The following NPRL3 variants were observed in gnomAD, a reference collection of about 807,000 sequenced individuals.
NPRL3 encodes the protein NPR3 like, GATOR1 complex subunit, also known as GATOR1 complex protein NPRL3.
In NPRL3, 23 loss-of-function variants were observed where a neutral mutation model predicts 57.2. The ratio of observed to expected loss-of-function variants is 0.40; its 90% CI spans 0.29 to 0.57. The LOEUF (loss-of-function observed/expected upper bound fraction) is 0.57. Ranked by LOEUF, NPRL3 falls within the 20% of genes least tolerant of loss-of-function variation. The probability of loss-of-function intolerance (pLI) is 0.42; values close to 1 mark genes in which losing one functional copy is unlikely to be tolerated. For synonymous variants in NPRL3, 333 were observed against 321.1 expected, an observed-to-expected ratio of 1.04 and a Z score of -0.39; for missense variants, 691 against 767.1, an observed-to-expected ratio of 0.90 and a Z score of 1.17.
chr16:93,533 A>G (rs568659428), intron 9 of NPRL3, among the ~76,000 whole-genome samples: 66 of 150,732 alleles, frequency 4.4e-4, no homozygotes, highest in Non-Finnish European at 7.5e-4. Context: ...TGTGGGGCAC[A>G]GCCAGCACAC....
At chr16:129,825 A>C (rs548878900) in intron 3 of NPRL3, among the ~76,000 whole-genome samples, 36 of 152,180 alleles carry the variant, frequency 2.4e-4, no homozygotes, top group African/African-American at 8.7e-4. Flanking sequence ...CCTTTACTCC[A>C]CACAGGCCTT....
In NPRL3 at chr16:92,621, T is replaced by C; in HGVS notation, c.1136A>G (p.Asn379Ser). 6.2e-7 allele frequency: 1 copy of C among 1,613,398 alleles called. No homozygotes were observed. Among genetic ancestry groups the C allele is most frequent in the Non-Finnish European group, 8.5e-7 (1 of 1,179,704 alleles). ...SLPVSLSEFR[N>S]PLAPAVQETQ... ...CTCCTGCACAGCGGGGGCCAGGGGA[T>C]TCCTAAATTCTGACAAGGAGACCGG... Residue 379 changes from asparagine (N) to serine (S), a missense_variant, in exon 11 of 14, where the codon AAT (asparagine) becomes AGT (serine). Asn to Ser is a conservative substitution (Grantham distance 46). Transcript: ENST00000611875.
chr16:101,376 C>T (rs573034986), intron 7 of NPRL3, among the ~76,000 whole-genome samples: 1 of 152,334 alleles, frequency 6.6e-6, no homozygotes, highest in Admixed American at 6.5e-5. Flanking sequence ...AGTTGCAGTG[C>T]ATGTGGATAC....
intron 9 of NPRL3, among the ~76,000 whole-genome samples, chr16:93,712 C>T (rs1425687474): frequency 2.0e-5 from 3 of 152,136 alleles, no homozygotes; most frequent in Admixed American, 1.3e-4. Context: ...ATTACAGGCA[C>T]ATGCCACCAC....
In NPRL3 at chr16:134,992, C is replaced by G. The variant is rs1240212509; in HGVS notation, c.118+3158G>C. 3.3e-5 allele frequency among the ~76,000 whole-genome samples: 5 copies of G among 152,086 alleles called. No individual in the cohort carries two copies. In the East Asian group the frequency reaches 5.8e-4, roughly 18 times the overall value. On this transcript the variant is annotated intron_variant, in intron 2 of 13. Transcript: ENST00000611875. Reference sequence around the variant, plus strand: ...CTGGGATTACAGGCGTGAGCCACCGCGCCCGGCCAAGTCACAGTAATTATT... The same window carrying G: ...CTGGGATTACAGGCGTGAGCCACCGGGCCCGGCCAAGTCACAGTAATTATT...
At chr16:100,843 C>CAT (rs1899262664) in intron 7 of NPRL3, among the ~76,000 whole-genome samples, 3 of 149,960 alleles carry the variant, frequency 2.0e-5, no homozygotes, top group African/African-American at 7.4e-5. Context: ...TGGTGGCGGG[C>CAT]GCCTGTAGTC....
intron 6 of NPRL3, among the ~76,000 whole-genome samples, 183 bp downstream of exon 6, chr16:112,439 T>C (rs1455331532): frequency 2.0e-5 from 3 of 152,236 alleles, no homozygotes; most frequent in African/African-American, 4.8e-5. Flanking sequence ...TCATTTTCAA[T>C]GCACAGCTCA....
chr16:117,234 T>G, intron 5 of NPRL3, 67 bp downstream of exon 5: 2 of 1,160,426 alleles, frequency 1.7e-6, no homozygotes, highest in Non-Finnish European at 2.5e-6. Flanking sequence ...ACACGCTCGT[T>G]GGAAAAAAAG....
chr16:104,081 G>A (rs565643391), intron 7 of NPRL3, among the ~76,000 whole-genome samples: 16 of 151,102 alleles, frequency 1.1e-4, no homozygotes, highest in African/African-American at 3.2e-4. Context: ...AGCTGAGATC[G>A]TGCCATTGCA....
chr16:96,866 C>T (rs141829797), intron 9 of NPRL3, among the ~76,000 whole-genome samples: 259 of 152,200 alleles, frequency 1.7e-3, no homozygotes, highest in African/African-American at 5.7e-3. Context: ...GATACAGAGG[C>T]GGGAGACTTA....
intron 12 of NPRL3, chr16:89,510 C>T (rs1323479161): frequency 9.4e-6 from 5 of 531,688 alleles, no homozygotes; most frequent in South Asian, 5.6e-5. Flanking sequence ...CTGAAGAGCC[C>T]GGAGACAGAG....
At chr16:138,055 CAA>C in intron 2 of NPRL3, 93 bp downstream of exon 2, 1 of 878,158 alleles carries the variant, frequency 1.1e-6, no homozygotes, top group Non-Finnish European at 1.8e-6. Flanking sequence ...GAATGCCCAG[CAA>C]AAGCTAAGCT....
chr16:89,060 C>A, intron 12 of NPRL3, 170 bp from the exon 13 acceptor site: 1 of 640,198 alleles, frequency 1.6e-6, no homozygotes, highest in Non-Finnish European at 2.7e-6. Flanking sequence ...TGTGACACGC[C>A]CCTCATACGG....
chr16:138,380 G>A (rs185761692), intron 1 of NPRL3, 46 bp from the exon 2 acceptor site: 9,105 of 819,798 alleles, frequency 0.011, 237 homozygotes, highest in East Asian at 0.069. Context: ...AGGAGGACGA[G>A]GCGGGGACGC....
intron 3 of NPRL3, chr16:123,406 C>A: frequency 2.2e-6 from 1 of 456,552 alleles, no homozygotes. Context: ...CCTCATCAGT[C>A]ACTCTTCAAC....
At position 96,959 on chromosome 16, in the gene NPRL3, G is replaced by A. The variant is rs1385516447; in HGVS notation, c.924+1186C>T. On this transcript the variant is annotated intron_variant, in intron 9 of 13. Transcript: ENST00000611875. ...GCCTTGTTGGACAAGTTCCCCTAACGTGCTAAGCAGAGACCTGTTTCACAG... is the reference window on the plus strand; with the variant it reads ...GCCTTGTTGGACAAGTTCCCCTAACATGCTAAGCAGAGACCTGTTTCACAG... Among the ~76,000 whole-genome samples, 3 of 30,628 alleles carry A rather than the reference G, an allele frequency of 9.8e-5. No homozygotes were observed. In the East Asian group the frequency reaches 1.5e-3, roughly 15 times the overall value. 20.1% of individuals were successfully genotyped at this position (30,628 alleles called of 152,430 possible).
At chr16:127,777 C>T (rs568337488) in intron 3 of NPRL3, among the ~76,000 whole-genome samples, 2 of 151,672 alleles carry the variant, frequency 1.3e-5, no homozygotes, top group East Asian at 2.0e-4. Flanking sequence ...GCCTCAGCCT[C>T]CCAAGTAGCT....
intron 13 of NPRL3, among the ~76,000 whole-genome samples, 192 bp downstream of exon 13, chr16:88,506 C>G (rs1219964617): frequency 6.6e-6 from 1 of 152,150 alleles, no homozygotes; most frequent in Non-Finnish European, 1.5e-5. Flanking sequence ...GGCCCGGCGT[C>G]TTGGTGACAA....
intron 11 of NPRL3, 150 bp downstream of exon 11, chr16:92,446 G>A (rs1898800183): frequency 1.0e-6 from 1 of 957,478 alleles, no homozygotes; most frequent in Non-Finnish European, 1.5e-6. Context: ...GGTCCTGCTG[G>A]GCACGTAGCA....
Sources: allele counts gnomAD v4.1 joint callset (sites outside exome capture counted in the v4.1 genomes callset), GRCh38; gene constraint gnomAD v4.1.1; transcripts MANE v1.5; gene names NCBI Gene and HGNC (gene_info 2026-07-23, HGNC 2026-07-21).